IDE: variants seen among roughly 807,000 people sequenced by gnomAD.
IDE encodes the protein insulin-degrading enzyme.
A neutral mutation model predicts 133.2 loss-of-function variants in IDE; 58 were observed. The observed-to-expected ratio is 0.44, with a 90% CI of 0.35 to 0.54. The LOEUF (loss-of-function observed/expected upper bound fraction) is 0.54, where lower values mean the gene tolerates loss of function less well. IDE is among the 20% of genes least tolerant of loss of function. The probability of loss-of-function intolerance (pLI) is 0.00; values close to 1 mark genes in which losing one functional copy is unlikely to be tolerated. For synonymous variants in IDE, 396 were observed against 421.3 expected, an observed-to-expected ratio of 0.94 and a Z score of 0.73; for missense variants, 981 against 1,234.0, an observed-to-expected ratio of 0.79 and a Z score of 3.07.
At chr10:92,554,632 G>A (rs1460586381) in intron 1 of IDE, 2 of 151,604 alleles carry the variant, frequency 1.3e-5, no homozygotes, top group African/African-American at 4.8e-5. Context: ...CGGATCACTT[G>A]AAGTCAGGAG....
intron 11 of IDE, among the ~76,000 whole-genome samples, chr10:92,495,606 C>T (rs532770644): frequency 6.6e-6 from 1 of 152,210 alleles, no homozygotes; most frequent in Admixed American, 6.5e-5. Context: ...CCACCTTGGC[C>T]TCCTAAAGTG....
chr10:92,512,365 A>G lies in IDE; in HGVS notation c.785-2203T>C, dbSNP rs191168550. Among the ~76,000 whole-genome samples the G allele has an allele frequency of 5.2e-3, 786 of 152,302 alleles. 9 individuals carry two copies. The highest frequency in any genetic ancestry group is 0.018 in the African/African-American group (745 of 41,570). On this transcript the variant is annotated intron_variant, in intron 5 of 24. Coordinates refer to ENST00000265986, the MANE Select transcript of IDE (RefSeq NM_004969.4). ...TCTCTCTGGTTCAGCACAGGAAGTC[A>G]GTCACAATGGGAGAGTGATGTGTAT...
intron 12 of IDE, among the ~76,000 whole-genome samples, chr10:92,490,198 G>A (rs959327036): frequency 7.9e-5 from 12 of 152,180 alleles, no homozygotes; most frequent in Admixed American, 6.5e-4. Flanking sequence ...TACTTCCATC[G>A]CTTCTTGCCT....
At chr10:92,465,438 C>T (rs1268534496) in intron 20 of IDE, among the ~76,000 whole-genome samples, 1 of 152,112 alleles carries the variant, frequency 6.6e-6, no homozygotes, top group South Asian at 2.1e-4. Flanking sequence ...CTAAAATGCC[C>T]TCTTTATTGA....
At chr10:92,559,114 T>C (rs1212062820) in intron 1 of IDE, 1 of 152,098 alleles carries the variant, frequency 6.6e-6, no homozygotes, top group African/African-American at 2.4e-5. Flanking sequence ...CAAAAGTACA[T>C]ATAGCAAGTG....
At chr10:92,510,785 T>C (rs1343434875) in intron 5 of IDE, among the ~76,000 whole-genome samples, 1 of 39,050 alleles carries the variant, frequency 2.6e-5, no homozygotes, top group African/African-American at 1.6e-4. Flanking sequence ...CACATACATC[T>C]CACATGATAT....
At chr10:92,478,915 C>T (rs768377279) in intron 15 of IDE, 16 of 339,420 alleles carry the variant, frequency 4.7e-5, no homozygotes, top group South Asian at 4.0e-4. Flanking sequence ...ATAGTATATG[C>T]CAACCTTAGG....
At chr10:92,462,274 C>T (rs566031246) in intron 21 of IDE, among the ~76,000 whole-genome samples, 1 of 136,428 alleles carries the variant, frequency 7.3e-6, no homozygotes, top group African/African-American at 2.7e-5. Flanking sequence ...GCCAAGATCA[C>T]ATCACTATAC....
At chr10:92,491,402 T>C (rs200662924) in intron 11 of IDE, among the ~76,000 whole-genome samples, 1 of 152,096 alleles carries the variant, frequency 6.6e-6, no homozygotes, top group Non-Finnish European at 1.5e-5. Flanking sequence ...GCTACATTTG[T>C]GCTCTATGTT....
intron 11 of IDE, among the ~76,000 whole-genome samples, chr10:92,496,969 A>G (rs1847743994): frequency 6.6e-6 from 1 of 152,220 alleles, no homozygotes; most frequent in Admixed American, 6.5e-5. Flanking sequence ...TAACTTTCAA[A>G]AAGAAAAAAG....
At chr10:92,509,287 G>A (rs965684788) in intron 6 of IDE, among the ~76,000 whole-genome samples, 8 of 151,968 alleles carry the variant, frequency 5.3e-5, no homozygotes, top group South Asian at 2.1e-4. Context: ...TTATTATCCC[G>A]ACAAATATTT....
chr10:92,537,274 T>G, intron 2 of IDE, 92 bp downstream of exon 2: 8 of 952,576 alleles, frequency 8.4e-6, no homozygotes, highest in Non-Finnish European at 1.3e-5. Flanking sequence ...CGGTAACTAT[T>G]GAGTATTTAA....
At chr10:92,484,769 T>C (rs1285788589) in intron 13 of IDE, among the ~76,000 whole-genome samples, 3 of 151,172 alleles carry the variant, frequency 2.0e-5, no homozygotes, top group Non-Finnish European at 2.9e-5. Flanking sequence ...AGAAACTGTG[T>C]GTGAGAAACC....
chr10:92,508,636 A>G (rs1848430121), intron 7 of IDE, 92 bp downstream of exon 7: 2 of 1,196,118 alleles, frequency 1.7e-6, no homozygotes, highest in African/African-American at 3.0e-5. Flanking sequence ...ACATCTAACA[A>G]TGTTCCTTCA....
intron 1 of IDE, among the ~76,000 whole-genome samples, chr10:92,542,170 T>C (rs891279999): frequency 6.6e-6 from 1 of 152,066 alleles, no homozygotes; most frequent in Admixed American, 6.6e-5. Context: ...GGTCATTATC[T>C]TTTTTTTCTA....
intron 5 of IDE, among the ~76,000 whole-genome samples, chr10:92,511,514 T>C (rs1848627263): frequency 6.6e-6 from 1 of 152,220 alleles, no homozygotes; most frequent in South Asian, 2.1e-4. Flanking sequence ...TCAGTAAGCA[T>C]TTGAATCAAA....
At chr10:92,482,365 T>C (rs1043678978) in intron 14 of IDE, among the ~76,000 whole-genome samples, 1 of 152,186 alleles carries the variant, frequency 6.6e-6, no homozygotes, top group African/African-American at 2.4e-5. Context: ...CAAAGATGAA[T>C]TGAAGGTGCA....
chr10:92,525,077 A>G (rs375949111), intron 4 of IDE, among the ~76,000 whole-genome samples: 25 of 152,342 alleles, frequency 1.6e-4, no homozygotes, highest in African/African-American at 6.0e-4. Context: ...CCTTGCCAAC[A>G]TGGCAAAACA....
At chr10:92,513,767 T>A (rs192564039) in intron 5 of IDE, among the ~76,000 whole-genome samples, 9 of 151,838 alleles carry the variant, frequency 5.9e-5, no homozygotes, top group African/African-American at 1.7e-4. Context: ...CATAAAACTG[T>A]TTATTCATTC....
Sources: allele counts gnomAD v4.1 joint callset (sites outside exome capture counted in the v4.1 genomes callset), GRCh38; gene constraint gnomAD v4.1.1; transcripts MANE v1.5; gene names NCBI Gene and HGNC (gene_info 2026-07-23, HGNC 2026-07-21).